Variants in LRRC4C observed in about 807,000 individuals in gnomAD.
LRRC4C encodes leucine rich repeat containing 4C.
LRRC4C carries 5 observed loss-of-function variants against 33.6 expected under a neutral mutation model. The ratio of observed to expected loss-of-function variants is 0.15; its 90% CI spans 0.08 to 0.31. The LOEUF is 0.31. LRRC4C is among the 10% of genes least tolerant of loss of function. The pLI, the probability that LRRC4C is intolerant of heterozygous loss-of-function variation, is 1.00. For synonymous variants in LRRC4C, 329 were observed against 302.0 expected (o/e 1.09, Z -0.93); for missense variants, 560 against 796.7 (o/e 0.70, Z 3.58).
rs556441146 is a variant in LRRC4C at position 40,912,341 on chromosome 11, T to G, written c.-407+21294A>C. 8.0e-3 allele frequency among the ~76,000 whole-genome samples: 1,221 copies of G among 152,286 alleles called. 17 individuals are homozygous for G. The highest frequency in any genetic ancestry group is 0.027 in the African/African-American group (1,128 of 41,540). On this transcript the variant is annotated intron_variant, in intron 2 of 6. Transcript: ENST00000528697. Reference sequence around the variant, plus strand: ...AAGGGAAGCCCATCAGACTAACAGCTGATCTCTCAGCAGAAACTCTACAAG... The same window carrying G: ...AAGGGAAGCCCATCAGACTAACAGCGGATCTCTCAGCAGAAACTCTACAAG...
At chr11:40,810,389 G>T (rs182756467) in intron 2 of LRRC4C, among the ~76,000 whole-genome samples, 3 of 152,266 alleles carry the variant, frequency 2.0e-5, no homozygotes, top group Admixed American at 6.5e-5. Context: ...AACACTGGGG[G>T]AAGCCCTCAT....
At chr11:40,921,026 T>A (rs1592096844) in intron 2 of LRRC4C, among the ~76,000 whole-genome samples, 1 of 151,714 alleles carries the variant, frequency 6.6e-6, no homozygotes, top group South Asian at 2.1e-4. Context: ...GCTGAACGGA[T>A]CCTTGCACCT....
intron 1 of LRRC4C, among the ~76,000 whole-genome samples, chr11:41,342,591 T>G (rs115933750): frequency 0.019 from 2,960 of 152,202 alleles, 95 homozygotes; most frequent in African/African-American, 0.069. Context: ...GGTGTGCGCC[T>G]GTAATTCCAG....
chr11:40,688,932 G>T (rs1945095796), intron 2 of LRRC4C, among the ~76,000 whole-genome samples: 4 of 152,034 alleles, frequency 2.6e-5, no homozygotes, highest in African/African-American at 9.7e-5. Context: ...TCACCGAGGT[G>T]TAAATAAGAA....
intron 3 of LRRC4C, among the ~76,000 whole-genome samples, chr11:40,382,428 G>T (rs1459504827): frequency 2.0e-5 from 3 of 151,306 alleles, no homozygotes; most frequent in East Asian, 3.9e-4. Flanking sequence ...AACTAAATAC[G>T]TTTGGAGATA....
At chr11:40,794,575 G>GCTGTTTCCGTC (rs1206892584) in intron 2 of LRRC4C, among the ~76,000 whole-genome samples, 1 of 152,090 alleles carries the variant, frequency 6.6e-6, no homozygotes, top group African/African-American at 2.4e-5. Flanking sequence ...GAGAATAGAC[G>GCTGTTTCCGTC]CTGTTTCCGT....
At chr11:40,890,259 A>C (rs2136101643) in intron 2 of LRRC4C, among the ~76,000 whole-genome samples, 1 of 152,334 alleles carries the variant, frequency 6.6e-6, no homozygotes, top group South Asian at 2.1e-4. Flanking sequence ...ACACTTCTGA[A>C]GGCTGGGAAG....
At chr11:40,222,199 G>T (rs901606966) in intron 5 of LRRC4C, among the ~76,000 whole-genome samples, 1 of 152,116 alleles carries the variant, frequency 6.6e-6, no homozygotes, top group Non-Finnish European at 1.5e-5. Flanking sequence ...CCCCATGACT[G>T]ACACTCAGGA....
chr11:40,420,460 T>A lies in LRRC4C; in HGVS notation c.-269-100739A>T, dbSNP rs1480685093. Among the ~76,000 whole-genome samples the A allele has an allele frequency of 5.3e-5, 8 of 152,314 alleles. No individual in the cohort carries two copies. In the East Asian group the frequency reaches 1.5e-3, roughly 29 times the overall value. ...TCCATCATCCAAGGCCAGACTTACA[T>A]CCTTGTCTTATCATTCTTCCCGTCT... is the stretch of plus-strand genomic sequence containing the variant. On this transcript the variant is annotated intron_variant, in intron 3 of 6. Coordinates refer to ENST00000528697, the MANE Select transcript of LRRC4C (RefSeq NM_001258419.2).
rs201366160 is a variant in LRRC4C, at chr11:40,834,884, GCAGA to G, written c.-407+98747_-407+98750del. The stretch of plus-strand genomic sequence containing the variant: ...CAAAACATATGCAAAGAAAAGACAG[GCAGA>G]CAGACAGACAGACAGACAGACAGAC... On this transcript the variant is annotated intron_variant, in intron 2 of 6. Coordinates refer to ENST00000528697, the MANE Select transcript of LRRC4C (RefSeq NM_001258419.2). 1.0e-3 allele frequency among the ~76,000 whole-genome samples: 122 copies of G among 122,260 alleles called. 1 individual carries two copies. Among genetic ancestry groups the G allele is most frequent in the East Asian group, 9.0e-3 (32 of 3,546 alleles). 80.2% of individuals were successfully genotyped at this position (122,260 alleles called of 152,430 possible).
chr11:41,167,026 A>T (rs1475411104), intron 1 of LRRC4C, among the ~76,000 whole-genome samples: 1 of 152,200 alleles, frequency 6.6e-6, no homozygotes, highest in Non-Finnish European at 1.5e-5. Context: ...GTGTTTTATT[A>T]CAATGCCATG....
At chr11:41,160,125 T>C (rs925156291) in intron 1 of LRRC4C, among the ~76,000 whole-genome samples, 6 of 151,928 alleles carry the variant, frequency 3.9e-5, no homozygotes, top group African/African-American at 1.5e-4. Flanking sequence ...AGGGGGAAAG[T>C]GAAAAGAGAT....
At chr11:40,134,847 G>C (rs1307438169) in intron 6 of LRRC4C, among the ~76,000 whole-genome samples, 2 of 152,062 alleles carry the variant, frequency 1.3e-5, no homozygotes, top group Non-Finnish European at 2.9e-5. Context: ...AAATCTAGTG[G>C]CTCCCACTGA....
intron 1 of LRRC4C, among the ~76,000 whole-genome samples, chr11:40,939,832 A>G (rs1958065391): frequency 6.6e-6 from 1 of 152,168 alleles, no homozygotes; most frequent in Non-Finnish European, 1.5e-5. Flanking sequence ...CCTTTGTTCA[A>G]TTACCTGTCA....
intron 2 of LRRC4C, among the ~76,000 whole-genome samples, chr11:40,834,567 C>A (rs924743805): frequency 6.6e-6 from 1 of 151,742 alleles, no homozygotes; most frequent in African/African-American, 2.4e-5. Flanking sequence ...TTATAACTGG[C>A]ACACTAGAAA....
At chr11:40,201,120 A>T (rs1307430571) in intron 5 of LRRC4C, among the ~76,000 whole-genome samples, 1 of 152,214 alleles carries the variant, frequency 6.6e-6, no homozygotes, top group Non-Finnish European at 1.5e-5. Context: ...GGTTCCAGTC[A>T]TGCAAAAGTG....
chr11:40,412,747 T>C (rs1048675186), intron 3 of LRRC4C, among the ~76,000 whole-genome samples: 5 of 152,076 alleles, frequency 3.3e-5, no homozygotes, highest in African/African-American at 1.2e-4. Flanking sequence ...AAATTCTGCC[T>C]CCACCCCTGA....
intron 3 of LRRC4C, among the ~76,000 whole-genome samples, chr11:40,334,985 G>T (rs549112710): frequency 5.0e-4 from 76 of 152,236 alleles, no homozygotes; most frequent in Non-Finnish European, 1.1e-3. Context: ...ATATCTGATT[G>T]TCACAAAATC....
intron 5 of LRRC4C, among the ~76,000 whole-genome samples, chr11:40,146,678 T>C (rs1857759119): frequency 6.6e-6 from 1 of 152,152 alleles, no homozygotes; most frequent in South Asian, 2.1e-4. Context: ...GTCCTCCTGG[T>C]TTACATTATT....
Sources: allele counts gnomAD v4.1 joint callset (sites outside exome capture counted in the v4.1 genomes callset), GRCh38; gene constraint gnomAD v4.1.1; transcripts MANE v1.5; gene names NCBI Gene and HGNC (gene_info 2026-07-23, HGNC 2026-07-21).